The following NOX3 variants were observed in gnomAD, a reference collection of about 807,000 sequenced individuals.
NOX3 encodes NADPH oxidase 3.
A neutral mutation model predicts 76.7 loss-of-function variants in NOX3; 74 were observed. The ratio of observed to expected loss-of-function variants is 0.96; its 90% CI spans 0.80 to 1.17. The LOEUF is 1.17. NOX3 is among the 50% of genes most tolerant of loss of function. The probability of loss-of-function intolerance (pLI) is 0.00; values close to 1 mark genes in which losing one functional copy is unlikely to be tolerated. For synonymous variants in NOX3, 263 were observed against 261.1 expected (o/e 1.01, Z -0.07); for missense variants, 695 against 703.3 (o/e 0.99, Z 0.13).
chr6:155,404,173 G>A (rs931374401), intron 12 of NOX3, among the ~76,000 whole-genome samples: 8 of 151,498 alleles, frequency 5.3e-5, no homozygotes, highest in Admixed American at 5.3e-4. Flanking sequence ...AACCCCTTGA[G>A]TTTTCTCATA....
At chr6:155,435,823 A>T (rs1214016586) in intron 7 of NOX3, among the ~76,000 whole-genome samples, 2 of 152,114 alleles carry the variant, frequency 1.3e-5, no homozygotes, top group Non-Finnish European at 2.9e-5. Context: ...GGGAAATCTG[A>T]CTTTTCAGAT....
intron 11 of NOX3, among the ~76,000 whole-genome samples, chr6:155,409,066 G>A (rs1036875527): frequency 4.6e-5 from 7 of 151,918 alleles, no homozygotes; most frequent in Admixed American, 4.6e-4. Context: ...GTAACAAATG[G>A]GCACACGCAC....
In NOX3 at chr6:155,437,116, T is replaced by C. The variant is rs150384883; in HGVS notation, c.669-569A>G. 1.3e-3 allele frequency among the ~76,000 whole-genome samples: 203 copies of C among 152,282 alleles called. 2 individuals are homozygous for C. The highest frequency in any genetic ancestry group is 4.5e-3 in the African/African-American group (187 of 41,562). ...GTCTTCAAGACGGTATTGATACATT[T>C]AGGAATGGAAAGAGAAGGCAGTCCT... On this transcript the variant is annotated intron_variant, in intron 6 of 13. Coordinates refer to ENST00000159060, the MANE Select transcript of NOX3 (RefSeq NM_015718.3).
chr6:155,426,993 G>A (rs1342685357), intron 9 of NOX3, among the ~76,000 whole-genome samples: 6 of 117,306 alleles, frequency 5.1e-5, no homozygotes, highest in African/African-American at 1.8e-4. Flanking sequence ...GCGTGTGTGT[G>A]TGTGTGTGTG....
At chr6:155,411,132 A>G (rs1776543916) in intron 11 of NOX3, 82 bp downstream of exon 11, 1 of 1,204,234 alleles carries the variant, frequency 8.3e-7, no homozygotes, top group African/African-American at 1.5e-5. Context: ...TCAGAGTGCT[A>G]CATAGCTCAT....
chr6:155,401,023 A>G (rs1158533147), intron 12 of NOX3, among the ~76,000 whole-genome samples: 1 of 152,196 alleles, frequency 6.6e-6, no homozygotes, highest in African/African-American at 2.4e-5. Context: ...TGGTAGAGCC[A>G]TTTTTGCCAA....
chr6:155,442,109 C>A (rs1333158356), intron 5 of NOX3, among the ~76,000 whole-genome samples: 6 of 152,066 alleles, frequency 3.9e-5, no homozygotes, highest in East Asian at 1.9e-4. Context: ...CTAAAAATAA[C>A]AAAAATTAGC....
intron 4 of NOX3, among the ~76,000 whole-genome samples, chr6:155,449,059 G>A (rs2235672): frequency 0.028 from 4,237 of 152,240 alleles, 229 homozygotes; most frequent in East Asian, 0.26. Flanking sequence ...AGAGCCTCAG[G>A]GGGAACTGGT....
rs768316309 is a variant in NOX3 at position 155,440,109 on chromosome 6, A to G, written c.515T>C (p.Ile172Thr). ...TNTTTELLRTIAGVTGLVISL... is the reference protein window; with the variant it reads ...TNTTTELLRTTAGVTGLVISL... ...GATCACCAGACCGGTGACGCCTGCTATTGTCCTTAGCAATTCAGTGGTTGT... is the reference window on the plus strand; with the variant it reads ...GATCACCAGACCGGTGACGCCTGCTGTTGTCCTTAGCAATTCAGTGGTTGT... Residue 172 changes from isoleucine to threonine, a missense_variant, in exon 6 of 14, where the codon ATA becomes ACA. Ile to Thr is a moderately conservative substitution (Grantham distance 89, BLOSUM62 -1). Transcript: ENST00000159060. 2 of 1,610,906 alleles carry G rather than the reference A, an allele frequency of 1.2e-6. No homozygotes were observed. The highest frequency in any genetic ancestry group is 8.5e-7 in the Non-Finnish European group (1 of 1,178,792).
At chr6:155,406,230 A>T (rs954493729) in intron 12 of NOX3, among the ~76,000 whole-genome samples, 2 of 152,100 alleles carry the variant, frequency 1.3e-5, no homozygotes, top group African/African-American at 2.4e-5. Flanking sequence ...AACTGTTTGC[A>T]TTAGTGCCCC....
At chr6:155,441,982 A>C (rs920374570) in intron 5 of NOX3, among the ~76,000 whole-genome samples, 12 of 152,204 alleles carry the variant, frequency 7.9e-5, no homozygotes, top group Admixed American at 2.6e-4. Context: ...AAGGTAGCTC[A>C]AGCCGAGCGC....
At chr6:155,419,257 C>T (rs561638855) in intron 10 of NOX3, among the ~76,000 whole-genome samples, 4 of 152,196 alleles carry the variant, frequency 2.6e-5, no homozygotes, top group South Asian at 2.1e-4. Flanking sequence ...TGCCTGCAGA[C>T]GCTTAAGGAA....
At position 155,409,446 on chromosome 6, in the gene NOX3, G is replaced by A. The variant is rs78316142; in HGVS notation, c.1455+1768C>T. Among the ~76,000 whole-genome samples the A allele has an allele frequency of 0.012, 1,810 of 152,190 alleles. 75 individuals carry two copies. The East Asian group carries it at 0.15, about 12-fold the overall frequency. ...GGGCACCATTTCACACACAAAAAGGGCCTTCCCTACTTACACTTGTGGTAC... is the reference window on the plus strand; with the variant it reads ...GGGCACCATTTCACACACAAAAAGGACCTTCCCTACTTACACTTGTGGTAC... On this transcript the variant is annotated intron_variant, in intron 11 of 13. Transcript: ENST00000159060.
chr6:155,420,888 T>C (rs1351680353), intron 10 of NOX3, among the ~76,000 whole-genome samples: 1 of 152,226 alleles, frequency 6.6e-6, no homozygotes, highest in Non-Finnish European at 1.5e-5. Flanking sequence ...TCATCTATAT[T>C]TCTGTATACA....
chr6:155,421,606 C>T (rs972445425), intron 10 of NOX3, among the ~76,000 whole-genome samples: 4 of 152,134 alleles, frequency 2.6e-5, no homozygotes, highest in African/African-American at 9.7e-5. Context: ...CTCTGTTGCC[C>T]AGGCTGGAGT....
intron 5 of NOX3, among the ~76,000 whole-genome samples, chr6:155,442,133 G>A (rs535644596): frequency 7.0e-4 from 107 of 152,198 alleles, no homozygotes; most frequent in South Asian, 5.8e-3. Context: ...GCGTGGTGGC[G>A]GGTGCCTATA....
At chr6:155,427,027 GTGC>G (rs1776766328) in intron 9 of NOX3, among the ~76,000 whole-genome samples, 1 of 146,708 alleles carries the variant, frequency 6.8e-6, no homozygotes, top group Non-Finnish European at 1.5e-5. Context: ...GTGTGTGTGT[GTGC>G]TGGGGGGGTT....
chr6:155,445,044 C>T (rs896184663), intron 4 of NOX3, among the ~76,000 whole-genome samples: 2 of 152,176 alleles, frequency 1.3e-5, no homozygotes, highest in Non-Finnish European at 2.9e-5. Context: ...CTTAAGAACC[C>T]AGCATCGTCT....
chr6:155,405,250 T>C (rs1038905851), intron 12 of NOX3, among the ~76,000 whole-genome samples: 1 of 152,100 alleles, frequency 6.6e-6, no homozygotes, highest in Non-Finnish European at 1.5e-5. Context: ...TTTAATGTAC[T>C]CTTACTGGTG....
Sources: gnomAD v4.1 joint callset for allele counts (sites outside exome capture counted in the v4.1 genomes callset) on GRCh38, gnomAD v4.1.1 for gene constraint, MANE v1.5 for transcripts, NCBI Gene and HGNC (gene_info 2026-07-23, HGNC 2026-07-21) for gene names.